The following SYNJ1 variants were observed in gnomAD, a reference collection of about 807,000 sequenced individuals.
The protein encoded by SYNJ1 is polyphosphatidylinositol phosphatase SYNJ1.
A neutral mutation model predicts 168.2 loss-of-function variants in SYNJ1; 78 were observed. The observed-to-expected ratio is 0.46, with a 90% CI of 0.39 to 0.56. The LOEUF (loss-of-function observed/expected upper bound fraction) is 0.56, where lower values mean the gene tolerates loss of function less well. Among genes scored for constraint, SYNJ1 ranks in the 20% least tolerant of loss-of-function variants. The probability of loss-of-function intolerance (pLI) is 0.00; values close to 1 mark genes in which losing one functional copy is unlikely to be tolerated. For synonymous variants in SYNJ1, 539 were observed against 548.6 expected (o/e 0.98, Z 0.24); for missense variants, 1,303 against 1,597.6 (o/e 0.82, Z 3.14).
chr21:32,684,040 C>G lies in SYNJ1; in HGVS notation c.1198G>C (p.Glu400Gln). ...TNSVQAFLGL[E>Q]MLAKQLEALG... ...TACATTTTAATTTATTCTTTTACCT[C>G]TAAGCCAAGAAATGCCTGCACACTA... Residue 400 changes from glutamate (E) to glutamine (Q), a missense_variant and splice_region_variant, in exon 10 of 33, where the codon GAG becomes CAG. Transcript: ENST00000674351. 2 of 1,613,456 alleles carry G rather than the reference C, an allele frequency of 1.2e-6. No individual in the cohort carries two copies. Among genetic ancestry groups the G allele is most frequent in the Non-Finnish European group, 1.7e-6 (2 of 1,179,570 alleles).
chr21:32,665,364 T>C (rs753319867), intron 17 of SYNJ1, among the ~76,000 whole-genome samples: 8 of 152,168 alleles, frequency 5.3e-5, no homozygotes, highest in Non-Finnish European at 7.4e-5. Flanking sequence ...CCACAGGAAA[T>C]TCCTTGTGGA....
intron 1 of SYNJ1, 170 bp from the exon 2 acceptor site, chr21:32,727,087 TA>T (rs1233741906): frequency 2.3e-6 from 2 of 857,120 alleles, no homozygotes; most frequent in East Asian, 5.5e-5. Context: ...AGTCGTCACT[TA>T]ATTTTACCAA....
intron 2 of SYNJ1, among the ~76,000 whole-genome samples, chr21:32,719,380 C>T (rs1191030932): frequency 1.3e-5 from 2 of 152,204 alleles, no homozygotes; most frequent in Non-Finnish European, 2.9e-5. Flanking sequence ...CAATGTGGAA[C>T]AGGAAATGAG....
chr21:32,678,880 T>A, intron 11 of SYNJ1, 79 bp from the exon 12 acceptor site: 1 of 1,546,240 alleles, frequency 6.5e-7, no homozygotes, highest in African/African-American at 1.4e-5. Context: ...TTTTGAAATT[T>A]TAAATCAGTT....
rs2039291709 is a variant in SYNJ1, at chr21:32,630,897, C to T, written c.*908G>A. 8.4e-7 allele frequency: 1 copy of T among 1,193,164 alleles called. No individual in the cohort carries two copies. Among genetic ancestry groups the T allele is most frequent in the Non-Finnish European group, 1.2e-6 (1 of 858,482 alleles). The allele number at this position is 1,193,164 out of a possible 1,614,324, so 73.9% of individuals were successfully genotyped here. A position where few individuals can be genotyped will look rare whatever the true frequency, so the allele number is the denominator to read the frequency against. Reference sequence around the variant, plus strand: ...GGTGTTTTGTGAAGATATCAGTGCACTTACAATGACTTATTGCACATAATG... The same window carrying T: ...GGTGTTTTGTGAAGATATCAGTGCATTTACAATGACTTATTGCACATAATG... On this transcript the variant is annotated 3_prime_UTR_variant, in exon 33 of 33. Coordinates refer to ENST00000674351, the MANE Select transcript of SYNJ1 (RefSeq NM_203446.3).
In SYNJ1 at chr21:32,630,678, T is replaced by A; in HGVS notation, c.*1127A>T. ...ATGTCAGCTGAAAGTTGGGTGGGCT[T>A]TTTGAGATTCTTCAGAAGACTGACC... On this transcript the variant is annotated 3_prime_UTR_variant, in exon 33 of 33. Transcript: ENST00000674351. The A allele has an allele frequency of 5.5e-6, 1 of 182,668 alleles. No individual in the cohort carries two copies. The highest frequency in any genetic ancestry group is 2.4e-5 in the African/African-American group (1 of 42,510). 11.3% of individuals were successfully genotyped at this position (182,668 alleles called of 1,614,324 possible).
intron 1 of SYNJ1, among the ~76,000 whole-genome samples, chr21:32,727,389 G>A (rs2043510504): frequency 6.6e-6 from 1 of 152,198 alleles, no homozygotes; most frequent in Non-Finnish European, 1.5e-5. Context: ...GGCAGGAGAA[G>A]GAAAAGGATT....
chr21:32,695,197 T>C lies in SYNJ1; in HGVS notation c.565A>G (p.Ile189Val). 6.2e-7 allele frequency: 1 copy of C among 1,614,132 alleles called. No individual in the cohort carries two copies. Among genetic ancestry groups the C allele is most frequent in the Non-Finnish European group, 8.5e-7 (1 of 1,180,004 alleles). ...TTATGAGCAGCATAAATTGTTCTGA[T>C]TTCTACTCCTCCACACATAAGACGT... The part of the protein sequence containing the change: ...LLRLMCGGVE[I>V]RTIYAAHKQA... Residue 189 changes from isoleucine (I) to valine (V), a missense_variant, in exon 5 of 33, where the codon ATC becomes GTC. Around this residue, in one of 2 missense-constraint regions of SYNJ1, gnomAD observed 920 missense variants for 1,208.8 expected, o/e 0.76. Coordinates refer to ENST00000674351, the MANE Select transcript of SYNJ1 (RefSeq NM_203446.3).
At chr21:32,701,547 A>G (rs2042400720) in intron 3 of SYNJ1, among the ~76,000 whole-genome samples, 1 of 151,420 alleles carries the variant, frequency 6.6e-6, no homozygotes, top group Non-Finnish European at 1.5e-5. Flanking sequence ...TACGTGGCAA[A>G]AAAAAAAAAA....
chr21:32,635,568 T>A (rs1229672214), intron 31 of SYNJ1, among the ~76,000 whole-genome samples: 3 of 152,150 alleles, frequency 2.0e-5, no homozygotes, highest in African/African-American at 7.2e-5. Flanking sequence ...TCTATGGTAT[T>A]TCATATGTCA....
intron 18 of SYNJ1, among the ~76,000 whole-genome samples, chr21:32,661,836 G>C (rs1480072952): frequency 2.0e-5 from 3 of 151,994 alleles, no homozygotes; most frequent in African/African-American, 7.3e-5. Flanking sequence ...GGCACTCCCC[G>C]AGAGTTAGGT....
chr21:32,711,813 G>A (rs906354315), intron 2 of SYNJ1, among the ~76,000 whole-genome samples: 1 of 152,190 alleles, frequency 6.6e-6, no homozygotes, highest in African/African-American at 2.4e-5. Flanking sequence ...CTCTAAAAGA[G>A]AGGCTTGTTA....
rs762750171 is a variant in SYNJ1 at position 32,653,244 on chromosome 21, C to T, written c.2874+44G>A. On this transcript the variant is annotated intron_variant, in intron 22 of 32. Coordinates refer to ENST00000674351, the MANE Select transcript of SYNJ1 (RefSeq NM_203446.3). ...ATAAAAATATCATACCATCTTCAGA[C>T]ATTTAATTTCAGAATGGTTTAGAAT... 5.5e-6 allele frequency: 8 copies of T among 1,445,960 alleles called. No homozygotes were observed. The East Asian group carries it at 1.6e-4, about 29-fold the overall frequency. The allele number at this position is 1,445,960 out of a possible 1,614,324, so 89.6% of individuals were successfully genotyped here.
intron 12 of SYNJ1, among the ~76,000 whole-genome samples, chr21:32,677,108 T>C (rs2041442333): frequency 6.6e-6 from 1 of 152,168 alleles, no homozygotes; most frequent in East Asian, 1.9e-4. Context: ...TGAAATTCAA[T>C]GAAAAGTTGA....
intron 18 of SYNJ1, among the ~76,000 whole-genome samples, chr21:32,660,566 G>A (rs1459365242): frequency 6.6e-6 from 1 of 152,276 alleles, no homozygotes; most frequent in Non-Finnish European, 1.5e-5. Flanking sequence ...ATGGACGGGA[G>A]CAACTTCATC....
At chr21:32,635,773 C>G (rs1008837745) in intron 31 of SYNJ1, among the ~76,000 whole-genome samples, 1 of 152,024 alleles carries the variant, frequency 6.6e-6, no homozygotes, top group Non-Finnish European at 1.5e-5. Context: ...CTCTTAATAT[C>G]ATTAATTTAC....
chr21:32,636,552 A>G (rs1207471739), intron 31 of SYNJ1, among the ~76,000 whole-genome samples: 1 of 152,200 alleles, frequency 6.6e-6, no homozygotes, highest in Non-Finnish European at 1.5e-5. Flanking sequence ...TAAAAATCTC[A>G]CCATCAGGTT....
chr21:32,671,563 T>C (rs188511180), intron 14 of SYNJ1, among the ~76,000 whole-genome samples: 1 of 152,332 alleles, frequency 6.6e-6, no homozygotes, highest in African/African-American at 2.4e-5. Context: ...GCTTTGCCAC[T>C]ACTGCACAAA....
At position 32,631,307 on chromosome 21, in the gene SYNJ1, C is replaced by T. The variant is rs775529283; in HGVS notation, c.*498G>A. On this transcript the variant is annotated 3_prime_UTR_variant, in exon 33 of 33. Coordinates refer to ENST00000674351, the MANE Select transcript of SYNJ1 (RefSeq NM_203446.3). The stretch of plus-strand genomic sequence containing the variant: ...TCGGGTTGCTAATTTTTAATGTAGA[C>T]TGGCCCTGTAGATCAAAACTGTCCT... 1.9e-6 allele frequency: 3 copies of T among 1,614,224 alleles called. No individual in the cohort carries two copies. The highest frequency in any genetic ancestry group is 2.5e-6 in the Non-Finnish European group (3 of 1,180,038).
Sources: gnomAD v4.1 joint callset for allele counts (sites outside exome capture counted in the v4.1 genomes callset) on GRCh38, gnomAD v4.1.1 for gene constraint, gnomAD v4.1.1 regional missense constraint, MANE v1.5 for transcripts, NCBI Gene and HGNC (gene_info 2026-07-23, HGNC 2026-07-21) for gene names.